Variants in PDE1B observed in about 807,000 individuals in gnomAD.
The protein encoded by PDE1B is dual specificity calcium/calmodulin-dependent 3',5'-cyclic nucleotide phosphodiesterase 1B.
A neutral mutation model predicts 66.7 loss-of-function variants in PDE1B; 13 were observed. That is an observed-to-expected ratio of 0.19 (90% CI 0.13 to 0.31). The LOEUF is 0.31. PDE1B is among the 10% of genes least tolerant of loss of function. The pLI is 1.00. For missense variants in PDE1B, 485 were observed against 682.3 expected, an observed-to-expected ratio of 0.71 and a Z score of 3.22; for synonymous variants, 230 against 253.9, an observed-to-expected ratio of 0.91 and a Z score of 0.90.
chr12:54,554,540 G>A (rs1957320179), intron 2 of PDE1B, among the ~76,000 whole-genome samples: 1 of 152,170 alleles, frequency 6.6e-6, no homozygotes, highest in African/African-American at 2.4e-5. Flanking sequence ...AATGAGGACT[G>A]TGTGGTATCT....
At chr12:54,555,934 T>C (rs1957336853) in intron 2 of PDE1B, among the ~76,000 whole-genome samples, 1 of 152,054 alleles carries the variant, frequency 6.6e-6, no homozygotes, top group Non-Finnish European at 1.5e-5. Flanking sequence ...TCCCCGTGGC[T>C]CCCTCCCCTC....
Position 54,575,353 on chromosome 12 carries a change from A to G in PDE1B, c.1185+135A>G. 1.2e-6 allele frequency: 1 copy of G among 833,172 alleles called. No homozygotes were observed. The highest frequency in any genetic ancestry group is 2.4e-5 in the East Asian group (1 of 41,002). The allele number at this position is 833,172 out of a possible 1,614,324, so 51.6% of individuals were successfully genotyped here. ...TGACCTGATCCCAAATCCTTGGGGTAAAACCCCATTATCCTAAAAGCCTAA... is the reference window on the plus strand; with the variant it reads ...TGACCTGATCCCAAATCCTTGGGGTGAAACCCCATTATCCTAAAAGCCTAA... On this transcript the variant is annotated intron_variant, in intron 11 of 15. Coordinates refer to ENST00000243052, the MANE Select transcript of PDE1B (RefSeq NM_000924.4). The surrounding 1 kb of genome is among the most constrained non-coding windows in gnomAD (Gnocchi z 4.0).
In PDE1B at chr12:54,573,564, C is replaced by A. The variant is rs1957657716; in HGVS notation, c.963-44C>A. 2 of 1,609,720 alleles carry A rather than the reference C, an allele frequency of 1.2e-6. No individual in the cohort carries two copies. Among genetic ancestry groups the A allele is most frequent in the Admixed American group, 1.7e-5 (1 of 60,030 alleles). On this transcript the variant is annotated intron_variant, in intron 9 of 15. Coordinates refer to ENST00000243052, the MANE Select transcript of PDE1B (RefSeq NM_000924.4). This position sits in a 1 kb window ranked among gnomAD's most constrained non-coding sequence, Gnocchi z 5.2. ...TCCACTTCCTGGACCTCCTGCCCAGCAGCGCTGAGGGGACTGATTGCTTCT... is the reference window on the plus strand; with the variant it reads ...TCCACTTCCTGGACCTCCTGCCCAGAAGCGCTGAGGGGACTGATTGCTTCT...
intron 2 of PDE1B, among the ~76,000 whole-genome samples, chr12:54,554,755 C>T (rs1957323017): frequency 6.6e-6 from 1 of 152,156 alleles, no homozygotes; most frequent in African/African-American, 2.4e-5. Flanking sequence ...ACATTCTGCC[C>T]TAACAATTAC....
At chr12:54,554,238 T>A (rs1343412242) in intron 2 of PDE1B, 1 of 152,216 alleles carries the variant, frequency 6.6e-6, no homozygotes, top group East Asian at 1.9e-4. Flanking sequence ...TGATCTTCTA[T>A]GGTTCTTACC....
chr12:54,574,862 C>T, intron 10 of PDE1B: 1 of 339,932 alleles, frequency 2.9e-6, no homozygotes, highest in Non-Finnish European at 5.4e-6. Context: ...GTAGTCCCAG[C>T]TATTCGGGAG....
chr12:54,576,494 C>A (rs1283261968), intron 13 of PDE1B, 77 bp from the exon 14 acceptor site: 3 of 1,566,876 alleles, frequency 1.9e-6, no homozygotes, highest in Non-Finnish European at 1.8e-6. Flanking sequence ...CTTCCATGTC[C>A]TGCACTCCCA....
At chr12:54,571,587 G>C in intron 6 of PDE1B, 1 of 152,220 alleles carries the variant, frequency 6.6e-6, no homozygotes, top group Non-Finnish European at 1.5e-5. Context: ...AGAGGAAGGA[G>C]GGGGTGCTTC....
chr12:54,571,200 A>G (rs987760531), intron 6 of PDE1B: 2 of 152,216 alleles, frequency 1.3e-5, no homozygotes, highest in African/African-American at 4.8e-5. Context: ...CCTCCACTTC[A>G]CTAGAACAAA....
chr12:54,559,884 GC>G (rs961360340), intron 2 of PDE1B, among the ~76,000 whole-genome samples: 52 of 152,260 alleles, frequency 3.4e-4, no homozygotes, highest in African/African-American at 1.2e-3. Flanking sequence ...CCCACTCTCA[GC>G]CCCATCCTGC....
At chr12:54,550,207 T>C in intron 2 of PDE1B, 1 of 1,392,416 alleles carries the variant, frequency 7.2e-7, no homozygotes, top group Non-Finnish European at 9.3e-7. Flanking sequence ...GTTGCAAAGG[T>C]AACGATGTGC....
intron 2 of PDE1B, among the ~76,000 whole-genome samples, chr12:54,562,516 G>A (rs1957435696): frequency 6.6e-6 from 1 of 152,224 alleles, no homozygotes; most frequent in Non-Finnish European, 1.5e-5. Flanking sequence ...TGTTCTACAG[G>A]GAAAGGTACC....
chr12:54,557,928 C>T (rs1957362369), intron 2 of PDE1B, among the ~76,000 whole-genome samples: 1 of 152,078 alleles, frequency 6.6e-6, no homozygotes, highest in Non-Finnish European at 1.5e-5. Flanking sequence ...ACCCACCCCT[C>T]CCAATTCCTC....
chr12:54,569,046 G>C lies in PDE1B; in HGVS notation c.228-138G>C. 7.1e-7 allele frequency: 1 copy of C among 1,401,330 alleles called. No individual in the cohort carries two copies. 86.8% of individuals were successfully genotyped at this position (1,401,330 alleles called of 1,614,324 possible). ...TTAGATAAAGAAATAAAAAGATATAGAGAAAGAAAGGAAACAGGGTTGAAG... is the reference window on the plus strand; with the variant it reads ...TTAGATAAAGAAATAAAAAGATATACAGAAAGAAAGGAAACAGGGTTGAAG... On this transcript the variant is annotated intron_variant, in intron 3 of 15. Coordinates refer to ENST00000243052, the MANE Select transcript of PDE1B (RefSeq NM_000924.4). This position sits in a 1 kb window ranked among gnomAD's most constrained non-coding sequence, Gnocchi z 4.4.
intron 3 of PDE1B, among the ~76,000 whole-genome samples, chr12:54,567,845 C>CAT (rs150162811): frequency 7.5e-5 from 11 of 145,944 alleles, no homozygotes; most frequent in East Asian, 2.1e-4. Context: ...GTAAGATATT[C>CAT]ATATATATAT....
At chr12:54,577,635 G>A (rs891675757) in intron 15 of PDE1B, 8 of 1,369,572 alleles carry the variant, frequency 5.8e-6, no homozygotes, top group Non-Finnish European at 7.7e-6. Flanking sequence ...ACCTTAGGGA[G>A]GGTTAGGGAA....
intron 2 of PDE1B, among the ~76,000 whole-genome samples, chr12:54,561,958 T>G (rs1957424387): frequency 6.6e-6 from 1 of 152,110 alleles, no homozygotes; most frequent in Non-Finnish European, 1.5e-5. Flanking sequence ...GACCTCACAT[T>G]CCTTCGAAAT....
At chr12:54,558,395 C>G (rs550706933) in intron 2 of PDE1B, among the ~76,000 whole-genome samples, 1 of 151,880 alleles carries the variant, frequency 6.6e-6, no homozygotes, top group Non-Finnish European at 1.5e-5. Flanking sequence ...TCTCTCACCA[C>G]TGCTGCCATG....
chr12:54,568,613 G>A (rs1278528390), intron 3 of PDE1B, among the ~76,000 whole-genome samples: 1 of 152,160 alleles, frequency 6.6e-6, no homozygotes, highest in Non-Finnish European at 1.5e-5. Context: ...GGGAGGCTGA[G>A]GCGGATGGAT....
Sources: gnomAD v4.1 joint callset for allele counts (sites outside exome capture counted in the v4.1 genomes callset) on GRCh38, gnomAD v4.1.1 for gene constraint, Gnocchi (gnomAD v3.1) non-coding constraint, MANE v1.5 for transcripts, NCBI Gene and HGNC (gene_info 2026-07-23, HGNC 2026-07-21) for gene names.